Variants in GRM5 observed in about 807,000 individuals in gnomAD.
GRM5 encodes glutamate metabotropic receptor 5, also known as metabotropic glutamate receptor 5.
In GRM5, 19 loss-of-function variants were observed where a neutral mutation model predicts 83.1. The observed-to-expected ratio is 0.23, with a 90% CI of 0.16 to 0.34. The LOEUF (loss-of-function observed/expected upper bound fraction) is 0.34, where lower values mean the gene tolerates loss of function less well. GRM5 is among the 10% of genes least tolerant of loss of function. The pLI, the probability that GRM5 is intolerant of heterozygous loss-of-function variation, is 1.00. For synonymous variants in GRM5, 675 were observed against 633.6 expected (o/e 1.07, Z -0.98); for missense variants, 1,160 against 1,588.3 (o/e 0.73, Z 4.58).
chr11:88,701,205 G>T (rs1464311533), intron 3 of GRM5, among the ~76,000 whole-genome samples: 1 of 152,162 alleles, frequency 6.6e-6, no homozygotes, highest in Non-Finnish European at 1.5e-5. Context: ...CCACCATCTT[G>T]TTAGAGCAGT....
intron 8 of GRM5, among the ~76,000 whole-genome samples, chr11:88,536,189 A>G (rs373663550): frequency 2.6e-5 from 4 of 152,218 alleles, no homozygotes; most frequent in Non-Finnish European, 5.9e-5. Flanking sequence ...TTTTGTTCAC[A>G]TATATTGAAG....
intron 5 of GRM5, among the ~76,000 whole-genome samples, chr11:88,600,113 T>G (rs1937936903): frequency 6.6e-6 from 1 of 152,172 alleles, no homozygotes; most frequent in African/African-American, 2.4e-5. Flanking sequence ...AAGCAAAGAT[T>G]AGTGTGTCAT....
At chr11:88,583,873 A>G (rs114402676) in intron 7 of GRM5, among the ~76,000 whole-genome samples, 1 of 151,986 alleles carries the variant, frequency 6.6e-6, no homozygotes, top group African/African-American at 2.4e-5. Flanking sequence ...ACCAGACTAC[A>G]TTTTTCTGAG....
intron 3 of GRM5, among the ~76,000 whole-genome samples, chr11:88,680,990 G>T (rs1417488576): frequency 6.6e-6 from 1 of 152,134 alleles, no homozygotes; most frequent in Non-Finnish European, 1.5e-5. Flanking sequence ...ATATTCTGTG[G>T]TTTTTGTAAG....
intron 4 of GRM5, among the ~76,000 whole-genome samples, chr11:88,613,271 T>G (rs1938378058): frequency 6.6e-6 from 1 of 152,200 alleles, no homozygotes; most frequent in African/African-American, 2.4e-5. Flanking sequence ...TATGCCCTGA[T>G]GATACGTCTG....
intron 2 of GRM5, among the ~76,000 whole-genome samples, chr11:88,980,869 G>T (rs1939498140): frequency 1.3e-5 from 2 of 152,000 alleles, no homozygotes; most frequent in Admixed American, 1.3e-4. Flanking sequence ...CTGACCTGTA[G>T]TAGTTCAGTT....
intron 3 of GRM5, among the ~76,000 whole-genome samples, chr11:88,761,537 T>G (rs1315296178): frequency 6.6e-6 from 1 of 151,954 alleles, no homozygotes; most frequent in Non-Finnish European, 1.5e-5. Context: ...AAAACACTGC[T>G]CAAAGAAATC....
chr11:88,792,381 C>T (rs1221781430), intron 3 of GRM5, among the ~76,000 whole-genome samples: 1 of 151,992 alleles, frequency 6.6e-6, no homozygotes, highest in Non-Finnish European at 1.5e-5. Context: ...ATCTTTGGTG[C>T]CCAATCTCTA....
intron 6 of GRM5, among the ~76,000 whole-genome samples, chr11:88,595,692 A>T (rs963392296): frequency 6.6e-5 from 10 of 152,214 alleles, no homozygotes; most frequent in Non-Finnish European, 5.9e-5. Flanking sequence ...TGGCAGGCCC[A>T]GATGAAGGGT....
intron 2 of GRM5, among the ~76,000 whole-genome samples, chr11:88,969,191 G>A (rs1939087248): frequency 6.6e-6 from 1 of 151,952 alleles, no homozygotes; most frequent in Non-Finnish European, 1.5e-5. Context: ...TCTAAGAGAT[G>A]ACCTAAAACA....
In GRM5 at chr11:89,038,856, T is replaced by C. The variant is rs550764771; in HGVS notation, c.661+8356A>G. Among the ~76,000 whole-genome samples, 60 of 152,330 alleles carry C rather than the reference T, an allele frequency of 3.9e-4. No individual in the cohort carries two copies. In the South Asian group the frequency reaches 7.9e-3, roughly 20 times the overall value. On this transcript the variant is annotated intron_variant, in intron 2 of 9. Coordinates refer to ENST00000305447, the MANE Select transcript of GRM5 (RefSeq NM_001143831.3). ...AGGAGTTGGCTTTGGATCTAAATCCTTGCTCTGCCACTAACTTTAGCTGCA... is the reference window on the plus strand; with the variant it reads ...AGGAGTTGGCTTTGGATCTAAATCCCTGCTCTGCCACTAACTTTAGCTGCA...
chr11:88,627,674 T>C (rs1373975969), intron 4 of GRM5, among the ~76,000 whole-genome samples: 1 of 152,158 alleles, frequency 6.6e-6, no homozygotes, highest in African/African-American at 2.4e-5. Context: ...AAATTGAATC[T>C]TTTAAGTCAC....
At chr11:88,531,832 C>T (rs773034059) in intron 8 of GRM5, among the ~76,000 whole-genome samples, 10 of 152,040 alleles carry the variant, frequency 6.6e-5, no homozygotes, top group African/African-American at 1.9e-4. Context: ...AATTTTCTTT[C>T]GCCACTTTCT....
intron 3 of GRM5, among the ~76,000 whole-genome samples, chr11:88,848,400 G>C (rs112954140): frequency 1.1e-4 from 16 of 152,260 alleles, no homozygotes; most frequent in African/African-American, 3.6e-4. Context: ...AGCTAAGTCT[G>C]ATCACAGACG....
chr11:88,843,769 A>G (rs1037586646), intron 3 of GRM5, among the ~76,000 whole-genome samples: 4 of 152,256 alleles, frequency 2.6e-5, no homozygotes, highest in South Asian at 2.1e-4. Flanking sequence ...ATGATAAGAA[A>G]GAGAAACAGC....
intron 4 of GRM5, among the ~76,000 whole-genome samples, chr11:88,634,758 CGTT>C (rs1200992139): frequency 1.3e-5 from 2 of 152,060 alleles, no homozygotes; most frequent in Admixed American, 6.6e-5. Context: ...AATACATAAA[CGTT>C]ATTATTTTCA....
intron 3 of GRM5, among the ~76,000 whole-genome samples, chr11:88,808,689 A>T (rs1161961751): frequency 6.6e-6 from 1 of 152,018 alleles, no homozygotes; most frequent in Non-Finnish European, 1.5e-5. Context: ...CAAGAAAGAT[A>T]ATAAAAATGG....
At chr11:88,766,085 G>C (rs1942620074) in intron 3 of GRM5, among the ~76,000 whole-genome samples, 1 of 151,902 alleles carries the variant, frequency 6.6e-6, no homozygotes, top group Admixed American at 6.6e-5. Flanking sequence ...ATGAAAAGAT[G>C]CTCATGGATA....
intron 1 of GRM5, among the ~76,000 whole-genome samples, chr11:89,051,316 C>G (rs142561676): frequency 0.01 from 1,545 of 151,614 alleles, 18 homozygotes; most frequent in African/African-American, 0.034. Flanking sequence ...AAAAAATATG[C>G]CTACAACATG....
Sources: gnomAD v4.1 joint callset for allele counts (sites outside exome capture counted in the v4.1 genomes callset) on GRCh38, gnomAD v4.1.1 for gene constraint, MANE v1.5 for transcripts, NCBI Gene and HGNC (gene_info 2026-07-23, HGNC 2026-07-21) for gene names.